Variants in AGO2 observed in about 807,000 individuals in gnomAD.
AGO2 encodes argonaute RISC catalytic component 2.
A neutral mutation model predicts 102.3 loss-of-function variants in AGO2; 5 were observed. The ratio of observed to expected loss-of-function variants is 0.05; its 90% confidence interval spans 0.03 to 0.10. The LOEUF (loss-of-function observed/expected upper bound fraction) is 0.10. AGO2 is among the 10% of genes least tolerant of loss of function. The probability of loss-of-function intolerance (pLI) is 1.00; values close to 1 mark genes in which losing one functional copy is unlikely to be tolerated. For synonymous variants in AGO2, 449 were observed against 473.1 expected (o/e 0.95, Z 0.66); for missense variants, 541 against 1,183.7 (o/e 0.46, Z 7.97).
At chr8:140,534,370 G>A in intron 17 of AGO2, among the ~76,000 whole-genome samples, 1 of 152,232 alleles carries the variant, frequency 6.6e-6, no homozygotes, top group East Asian at 1.9e-4. Context: ...GACTAGAAGG[G>A]AAGACTGAAC....
At chr8:140,574,265 T>C (rs550895708) in intron 2 of AGO2, among the ~76,000 whole-genome samples, 1 of 151,156 alleles carries the variant, frequency 6.6e-6, no homozygotes, top group East Asian at 1.9e-4. Flanking sequence ...TTTCAGGTGC[T>C]TGTTTTATTT....
At chr8:140,534,667 G>A (rs2072663808) in intron 17 of AGO2, among the ~76,000 whole-genome samples, 2 of 152,234 alleles carry the variant, frequency 1.3e-5, no homozygotes, top group African/African-American at 4.8e-5. Flanking sequence ...TTAAAGGTAC[G>A]TACAAAGTTC....
chr8:140,570,601 G>A (rs1489207923), intron 3 of AGO2, among the ~76,000 whole-genome samples: 1 of 152,166 alleles, frequency 6.6e-6, no homozygotes, highest in African/African-American at 2.4e-5. Flanking sequence ...ACCGGCTAGG[G>A]CTGGTGGGAG....
chr8:140,610,019 C>G (rs2133064108), intron 1 of AGO2, among the ~76,000 whole-genome samples: 1 of 123,820 alleles, frequency 8.1e-6, no homozygotes, highest in African/African-American at 2.9e-5. Flanking sequence ...TACAGCAAGA[C>G]CTTGACTCTA....
chr8:140,564,306 A>G (rs2073246929), intron 3 of AGO2, among the ~76,000 whole-genome samples: 1 of 138,864 alleles, frequency 7.2e-6, no homozygotes, highest in Admixed American at 7.2e-5. Context: ...CGGTGGGGGG[A>G]CGCAATCAAG....
At chr8:140,625,037 G>T (rs1038157610) in intron 1 of AGO2, among the ~76,000 whole-genome samples, 1 of 152,098 alleles carries the variant, frequency 6.6e-6, no homozygotes, top group Non-Finnish European at 1.5e-5. Flanking sequence ...CACCCTCTTG[G>T]TCTGTTTCTA....
At position 140,585,284 on chromosome 8, in the gene AGO2, G is replaced by C; in HGVS notation, c.50C>G (p.Pro17Arg). The change falls in exon 2 of 19, where the codon CCC (proline) becomes CGC (arginine). Residue 17 changes from proline (P) to arginine (R), a missense_variant. Transcript: ENST00000220592. ...AGGCTTGAAGGCATATCCTTGGATGGGGGGCGGCGGCGCAGGAGGTGCAAG... is the reference window on the plus strand; with the variant it reads ...AGGCTTGAAGGCATATCCTTGGATGCGGGGCGGCGGCGCAGGAGGTGCAAG... ...PALAPPAPPP[P>R]IQGYAFKPPP... 6.2e-7 allele frequency: 1 copy of C among 1,614,004 alleles called. No homozygotes were observed. Among genetic ancestry groups the C allele is most frequent in the Non-Finnish European group, 8.5e-7 (1 of 1,179,954 alleles).
At chr8:140,608,528 G>A (rs1341959978) in intron 1 of AGO2, among the ~76,000 whole-genome samples, 1 of 152,276 alleles carries the variant, frequency 6.6e-6, no homozygotes, top group African/African-American at 2.4e-5. Context: ...CCGGCAGGCA[G>A]GCGTCAAGCA....
intron 5 of AGO2, 100 bp from the exon 6 acceptor site, chr8:140,559,629 G>T: frequency 6.7e-7 from 1 of 1,490,680 alleles, no homozygotes; most frequent in Non-Finnish European, 9.0e-7. Context: ...CAGCCATGGT[G>T]GGGACACCCG....
intron 3 of AGO2, among the ~76,000 whole-genome samples, chr8:140,569,500 A>T (rs28609976): frequency 6.6e-6 from 1 of 152,320 alleles, no homozygotes; most frequent in South Asian, 2.1e-4. Flanking sequence ...ATATGTTCCT[A>T]AACAGTGCTC....
At chr8:140,566,986 G>A (rs1409066302) in intron 3 of AGO2, among the ~76,000 whole-genome samples, 1 of 152,234 alleles carries the variant, frequency 6.6e-6, no homozygotes, top group African/African-American at 2.4e-5. Flanking sequence ...GGTACTTTAG[G>A]CCCGAGTACA....
At chr8:140,636,879 A>C (rs1477091039), upstream of AGO2, 1 of 152,292 alleles carries the variant, frequency 6.6e-6, no homozygotes, top group African/African-American at 2.4e-5. Flanking sequence ...CAGGATGGAG[A>C]AACAGTGTGC....
chr8:140,553,473 G>A lies in AGO2; in HGVS notation c.1270-2037C>T, dbSNP rs192803155. Among the ~76,000 whole-genome samples, 15 of 139,410 alleles carry A rather than the reference G, an allele frequency of 1.1e-4. No individual in the cohort carries two copies. In the East Asian group the frequency reaches 2.7e-3, roughly 25 times the overall value. 91.5% of individuals were successfully genotyped at this position (139,410 alleles called of 152,430 possible). A position where few individuals can be genotyped will look rare whatever the true frequency, so the allele number is the denominator to read the frequency against. On this transcript the variant is annotated intron_variant, in intron 10 of 18. Coordinates refer to ENST00000220592, the MANE Select transcript of AGO2 (RefSeq NM_012154.5). Reference sequence around the variant, plus strand: ...TGCCCAGGCTGGAGTGCAATGGCACGATCTTGGCTCACCGCAACCTCTGCC... The same window carrying A: ...TGCCCAGGCTGGAGTGCAATGGCACAATCTTGGCTCACCGCAACCTCTGCC...
At chr8:140,596,159 A>G (rs988002122) in intron 1 of AGO2, among the ~76,000 whole-genome samples, 3 of 150,826 alleles carry the variant, frequency 2.0e-5, no homozygotes, top group Admixed American at 1.3e-4. Context: ...GTGCTTCTGT[A>G]TTTTTTAAGT....
rs1178085070 is a variant in AGO2, at chr8:140,524,164, C to T, written c.*7880G>A. ...GAAGAGCATTCCAAAATAAGGGTCA[C>T]AGGACTGAATAGCACCTTACAGCTG... On this transcript the variant is annotated 3_prime_UTR_variant, in exon 19 of 19. Transcript: ENST00000220592. 1 of 152,248 alleles carries T rather than the reference C, an allele frequency of 6.6e-6. No homozygotes were observed. Among genetic ancestry groups the T allele is most frequent in the Non-Finnish European group, 1.5e-5 (1 of 68,074 alleles). The allele number at this position is 152,248 out of a possible 1,614,324, so 9.4% of individuals were successfully genotyped here.
chr8:140,556,988 G>C, intron 8 of AGO2, 101 bp downstream of exon 8: 1 of 1,470,390 alleles, frequency 6.8e-7, no homozygotes, highest in African/African-American at 1.4e-5. Context: ...AGTGCCATTT[G>C]TATCTGACTG....
chr8:140,632,087 C>T (rs993685719), intron 1 of AGO2, among the ~76,000 whole-genome samples: 1 of 152,226 alleles, frequency 6.6e-6, no homozygotes, highest in African/African-American at 2.4e-5. Context: ...CACTGTACAA[C>T]ACACAGAGAA....
At chr8:140,586,636 G>A (rs187486078) in intron 1 of AGO2, among the ~76,000 whole-genome samples, 2,672 of 152,284 alleles carry the variant, frequency 0.018, 33 homozygotes, top group Middle Eastern at 0.034. Context: ...TTCCCAGCAA[G>A]GACCCTGACC....
In AGO2 at chr8:140,547,494, C is replaced by G; in HGVS notation, c.1722G>C (p.Val574=). Residue 574 remains valine (V), a synonymous_variant, in exon 13 of 19, where the codon GTG becomes GTC. Transcript: ENST00000220592. ...CLKINVKLGG[V]NNILLPQGRP... is the part of the protein sequence containing the mutation. ...TGCCCTGGGGCAGCAGGATGTTGTT[C>G]ACGCCTCCCAGCTTGACGTTGATCT... The G allele has an allele frequency of 6.2e-7, 1 of 1,614,080 alleles. No individual in the cohort carries two copies. The highest frequency in any genetic ancestry group is 8.5e-7 in the Non-Finnish European group (1 of 1,179,946).
Sources: gnomAD v4.1 joint callset for allele counts (sites outside exome capture counted in the v4.1 genomes callset) on GRCh38, gnomAD v4.1.1 for gene constraint, MANE v1.5 for transcripts, NCBI Gene and HGNC (gene_info 2026-07-23, HGNC 2026-07-21) for gene names.